The following ASB3 variants were observed in gnomAD, a reference collection of about 807,000 sequenced individuals.
ASB3 encodes ankyrin repeat and SOCS box containing 3.
A neutral mutation model predicts 54.5 loss-of-function variants in ASB3; 41 were observed. The observed-to-expected ratio is 0.75, with a 90% CI of 0.59 to 0.98. The LOEUF is 0.98. Among genes scored for constraint, ASB3 ranks in the 50% least tolerant of loss-of-function variants. The pLI is 0.00. For synonymous variants in ASB3, 266 were observed against 221.2 expected (o/e 1.20, Z -1.80); for missense variants, 733 against 620.0 (o/e 1.18, Z -1.94).
At chr2:53,689,172 G>GAA in intron 9 of ASB3, among the ~76,000 whole-genome samples, 1 of 145,242 alleles carries the variant, frequency 6.9e-6, no homozygotes, top group Middle Eastern at 3.6e-3. Context: ...GTAGTCAAAG[G>GAA]AAAAAAAAAA....
chr2:53,720,212 G>T (rs564424083), intron 5 of ASB3, among the ~76,000 whole-genome samples: 1 of 151,122 alleles, frequency 6.6e-6, no homozygotes, highest in Non-Finnish European at 1.5e-5. Flanking sequence ...ACTTTGAGTT[G>T]TCCCGCTTTT....
intron 2 of ASB3, among the ~76,000 whole-genome samples, chr2:53,764,396 C>A (rs559463293): frequency 1.3e-5 from 2 of 152,096 alleles, no homozygotes; most frequent in African/African-American, 4.8e-5. Context: ...TATTATGTAA[C>A]CTTTTACAAG....
At chr2:53,729,711 T>C in intron 3 of ASB3, 141 bp from the exon 4 acceptor site, 2 of 659,792 alleles carry the variant, frequency 3.0e-6, no homozygotes, top group Non-Finnish European at 5.3e-6. Flanking sequence ...ACAATTGTCT[T>C]AGCCCAAATC....
chr2:53,686,274 A>T (rs1242613681), intron 9 of ASB3, among the ~76,000 whole-genome samples: 1 of 152,192 alleles, frequency 6.6e-6, no homozygotes, highest in Non-Finnish European at 1.5e-5. Context: ...AATTCAGGCC[A>T]ACCATGAAAG....
intron 9 of ASB3, among the ~76,000 whole-genome samples, chr2:53,683,529 C>T (rs536207161): frequency 6.6e-6 from 1 of 151,880 alleles, no homozygotes; most frequent in African/African-American, 2.4e-5. Flanking sequence ...CTCTATTTTT[C>T]AGAATAGTTT....
Position 53,765,475 on chromosome 2 carries a change from C to A in ASB3, c.98G>T (p.Gly33Val). Residue 33 changes from glycine to valine, a missense_variant, in exon 2 of 10, where the codon GGC (glycine) becomes GTC (valine). By Grantham distance (109) the Gly-to-Val change is moderately radical. Coordinates refer to ENST00000263634, the MANE Select transcript of ASB3 (RefSeq NM_016115.5). ...VKVLRKLLKK[G>V]RSVDVADNRG... is the part of the protein sequence containing the mutation. The stretch of plus-strand genomic sequence containing the variant: ...GTTATCAGCAACATCGACACTTCGG[C>A]CCTTTTTGAGCAGTTTCCTTAAGAC... 6.2e-7 allele frequency: 1 copy of A among 1,614,230 alleles called. No individual in the cohort carries two copies. Among genetic ancestry groups the A allele is most frequent in the South Asian group, 1.1e-5 (1 of 91,086 alleles).
intron 9 of ASB3, among the ~76,000 whole-genome samples, chr2:53,691,066 G>A (rs1421312868): frequency 6.6e-6 from 1 of 152,144 alleles, no homozygotes; most frequent in East Asian, 1.9e-4. Context: ...GTATGTAAGA[G>A]GCACTTGATT....
intron 9 of ASB3, among the ~76,000 whole-genome samples, chr2:53,687,983 A>C (rs755420024): frequency 1.4e-4 from 21 of 151,938 alleles, no homozygotes; most frequent in Non-Finnish European, 2.8e-4. Context: ...ATGTCTGGCT[A>C]ATTTTCTTAT....
chr2:53,768,128 GC>G, intron 1 of ASB3: 1 of 1,298,366 alleles, frequency 7.7e-7, no homozygotes, highest in East Asian at 2.4e-5. Flanking sequence ...GCTTCATGGG[GC>G]CAAAGCACAT....
At chr2:53,765,277 G>A (rs374143036) in intron 2 of ASB3, 100 bp downstream of exon 2, 2 of 1,483,644 alleles carry the variant, frequency 1.3e-6, no homozygotes, top group African/African-American at 1.4e-5. Context: ...ACTATAGAAA[G>A]GGAAACAAAT....
intron 7 of ASB3, among the ~76,000 whole-genome samples, chr2:53,710,907 A>G (rs1572886701): frequency 6.6e-6 from 1 of 151,980 alleles, no homozygotes; most frequent in African/African-American, 2.4e-5. Flanking sequence ...CAGGGAGATC[A>G]CCTGAGCTCG....
chr2:53,785,570 C>G (rs892509244), intron 1 of ASB3, among the ~76,000 whole-genome samples: 1 of 152,254 alleles, frequency 6.6e-6, no homozygotes, highest in Non-Finnish European at 1.5e-5. Flanking sequence ...GGGCCAGGCA[C>G]AGTGGCTCAG....
intron 2 of ASB3, among the ~76,000 whole-genome samples, chr2:53,754,572 A>G (rs917275767): frequency 2.0e-5 from 3 of 152,242 alleles, no homozygotes; most frequent in Non-Finnish European, 4.4e-5. Flanking sequence ...GACCAGGAAG[A>G]TAACATTTGA....
chr2:53,705,672 A>G (rs1669730001), intron 7 of ASB3, among the ~76,000 whole-genome samples: 1 of 151,544 alleles, frequency 6.6e-6, no homozygotes, highest in East Asian at 1.9e-4. Context: ...TCTGTGCCCA[A>G]TCTCCTCTCC....
intron 5 of ASB3, among the ~76,000 whole-genome samples, chr2:53,726,944 T>G (rs536756021): frequency 6.6e-6 from 1 of 152,250 alleles, no homozygotes; most frequent in Admixed American, 6.5e-5. Flanking sequence ...CCCAAAGCGC[T>G]GGGATTAGAC....
Position 53,670,677 on chromosome 2 carries a change from G to A in ASB3, c.1383C>T (p.Ser461=). The A allele has an allele frequency of 1.2e-6, 2 of 1,610,860 alleles. No homozygotes were observed. Among genetic ancestry groups the A allele is most frequent in the Non-Finnish European group, 1.7e-6 (2 of 1,178,576 alleles). ...TTTCCAAACGACAAAGATGGGTCAGGGATGGAACAGTGGCTGGAGAAACAA... is the reference window on the plus strand; with the variant it reads ...TTTCCAAACGACAAAGATGGGTCAGAGATGGAACAGTGGCTGGAGAAACAA... ...ILQQHIATVP[S]LTHLCRLEIR... The change falls in exon 10 of 10, where the codon TCC becomes TCT. Residue 461 remains serine, a synonymous_variant. Transcript: ENST00000263634.
chr2:53,723,010 A>G (rs1670792315), intron 5 of ASB3, among the ~76,000 whole-genome samples: 1 of 152,192 alleles, frequency 6.6e-6, no homozygotes, highest in Admixed American at 6.5e-5. Flanking sequence ...TACAAAATCA[A>G]TGTATAAAAT....
At chr2:53,746,056 T>C (rs1360845148) in intron 3 of ASB3, among the ~76,000 whole-genome samples, 1 of 152,110 alleles carries the variant, frequency 6.6e-6, no homozygotes, top group Non-Finnish European at 1.5e-5. Context: ...TCCTAGCACT[T>C]TGGGAAACTA....
chr2:53,714,708 G>T, intron 6 of ASB3, 127 bp from the exon 7 acceptor site: 4 of 913,952 alleles, frequency 4.4e-6, no homozygotes, highest in Non-Finnish European at 4.9e-6. Flanking sequence ...TCTGTCTAGG[G>T]TGTACCTTCT....
Sources: gnomAD v4.1 joint callset for allele counts (sites outside exome capture counted in the v4.1 genomes callset) on GRCh38, gnomAD v4.1.1 for gene constraint, MANE v1.5 for transcripts, NCBI Gene and HGNC (gene_info 2026-07-23, HGNC 2026-07-21) for gene names.